SUPT3H: variants seen among roughly 807,000 people sequenced by gnomAD.
SUPT3H encodes the protein SPT3 homolog, SAGA and STAGA complex component.
In SUPT3H, 44 loss-of-function variants were observed where a neutral mutation model predicts 44.3. The ratio of observed to expected loss-of-function variants is 0.99; its 90% CI spans 0.78 to 1.28. The LOEUF is 1.28. SUPT3H is among the 50% of genes most tolerant of loss of function. The pLI, the probability that SUPT3H is intolerant of heterozygous loss-of-function variation, is 0.00. For missense variants in SUPT3H, 380 were observed against 387.1 expected, an observed-to-expected ratio of 0.98 and a Z score of 0.15; for synonymous variants, 124 against 125.6, an observed-to-expected ratio of 0.99 and a Z score of 0.09.
At chr6:45,198,515 CA>C (rs1422373604) in intron 2 of SUPT3H, among the ~76,000 whole-genome samples, 1 of 151,224 alleles carries the variant, frequency 6.6e-6, no homozygotes, top group Non-Finnish European at 1.5e-5. Context: ...AGAAAAGAAT[CA>C]GTCCCAATAC....
intron 2 of SUPT3H, among the ~76,000 whole-genome samples, chr6:45,222,995 TAGAA>T (rs542252778): frequency 1.3e-5 from 2 of 151,872 alleles, no homozygotes; most frequent in South Asian, 2.1e-4. Context: ...GTCAAAACAA[TAGAA>T]AGAAAGAACA....
rs185587776 is a variant in SUPT3H at position 45,196,351 on chromosome 6, G to A, written c.102-90345C>T. Among the ~76,000 whole-genome samples, 18 of 152,000 alleles carry A rather than the reference G, an allele frequency of 1.2e-4. No homozygotes were observed. In the East Asian group the frequency reaches 3.3e-3, roughly 28 times the overall value. On this transcript the variant is annotated intron_variant, in intron 2 of 10. Transcript: ENST00000371459. ...CTGCAAACATAAATAGCAAATGCAC[G>A]CTTCAGCACTTTTTAAAGGATATGG...
chr6:45,006,360 T>G (rs866477988), intron 5 of SUPT3H, among the ~76,000 whole-genome samples: 2 of 152,054 alleles, frequency 1.3e-5, no homozygotes, highest in African/African-American at 4.8e-5. Context: ...CATATTCTTG[T>G]TTTTTCCTTT....
intron 2 of SUPT3H, among the ~76,000 whole-genome samples, chr6:45,212,328 T>C (rs555330064): frequency 7.2e-5 from 11 of 152,206 alleles, no homozygotes; most frequent in Non-Finnish European, 1.3e-4. Flanking sequence ...TTTACTTCTT[T>C]TCATTCTTCT....
At chr6:44,890,767 TAATAAA>T (rs1763166696) in intron 10 of SUPT3H, among the ~76,000 whole-genome samples, 3 of 143,484 alleles carry the variant, frequency 2.1e-5, no homozygotes, top group South Asian at 2.3e-4. Flanking sequence ...ATAATAATAA[TAATAAA>T]AAAAAAAGAA....
At chr6:44,830,222 G>C (rs547483095) in intron 10 of SUPT3H, among the ~76,000 whole-genome samples, 4 of 151,746 alleles carry the variant, frequency 2.6e-5, no homozygotes, top group Non-Finnish European at 2.9e-5. Context: ...AACTAACTAA[G>C]TATCTTAATA....
At chr6:45,117,418 A>G (rs1801004148) in intron 2 of SUPT3H, among the ~76,000 whole-genome samples, 1 of 152,136 alleles carries the variant, frequency 6.6e-6, no homozygotes, top group African/African-American at 2.4e-5. Context: ...TTTTATACTG[A>G]TATCAATTGT....
intron 2 of SUPT3H, among the ~76,000 whole-genome samples, chr6:45,349,124 G>A (rs990822864): frequency 6.6e-6 from 1 of 152,104 alleles, no homozygotes; most frequent in Non-Finnish European, 1.5e-5. Context: ...TACAAATGGG[G>A]TATTTAAATT....
intron 11 of SUPT3H, among the ~76,000 whole-genome samples, chr6:44,819,080 C>G (rs941060949): frequency 1.3e-5 from 2 of 152,094 alleles, no homozygotes; most frequent in Non-Finnish European, 2.9e-5. Context: ...AATGTCCACT[C>G]AATAGCGAAT....
intron 2 of SUPT3H, among the ~76,000 whole-genome samples, chr6:45,186,459 C>A (rs914738171): frequency 3.9e-5 from 6 of 151,992 alleles, no homozygotes; most frequent in Non-Finnish European, 7.4e-5. Context: ...AAAAAAATAA[C>A]CAAATAGAAA....
intron 2 of SUPT3H, among the ~76,000 whole-genome samples, chr6:45,128,046 C>T (rs1427977630): frequency 3.3e-5 from 5 of 152,000 alleles, no homozygotes; most frequent in East Asian, 1.9e-4. Context: ...TCTTTATTAC[C>T]GATAATGCTT....
intron 2 of SUPT3H, among the ~76,000 whole-genome samples, chr6:45,359,586 T>C (rs565800819): frequency 2.0e-5 from 3 of 152,198 alleles, no homozygotes; most frequent in Non-Finnish European, 2.9e-5. Flanking sequence ...TATGGCCACA[T>C]TTGTATCCAA....
At chr6:44,864,458 G>A (rs1049616160) in intron 10 of SUPT3H, among the ~76,000 whole-genome samples, 1 of 152,176 alleles carries the variant, frequency 6.6e-6, no homozygotes, top group African/African-American at 2.4e-5. Context: ...ACTGCCCTAG[G>A]AGAGGTTCTC....
intron 6 of SUPT3H, among the ~76,000 whole-genome samples, chr6:44,999,130 T>C (rs2396372): frequency 0.34 from 51,436 of 151,904 alleles, 9,549 homozygotes; most frequent in Non-Finnish European, 0.41. Context: ...TAATATGCCC[T>C]ATAAATTTTT....
At chr6:45,228,435 C>G (rs1045610371) in intron 2 of SUPT3H, among the ~76,000 whole-genome samples, 1 of 152,018 alleles carries the variant, frequency 6.6e-6, no homozygotes, top group Admixed American at 6.6e-5. Context: ...CTCTTCTTGC[C>G]TATTGTCTTA....
At chr6:44,947,672 A>G (rs1016790590) in intron 9 of SUPT3H, among the ~76,000 whole-genome samples, 2 of 152,210 alleles carry the variant, frequency 1.3e-5, no homozygotes, top group African/African-American at 2.4e-5. Context: ...GAAGACTTAC[A>G]TTATAATCAA....
intron 7 of SUPT3H, among the ~76,000 whole-genome samples, chr6:44,956,490 A>T (rs1324103201): frequency 6.5e-4 from 4 of 6,194 alleles, no homozygotes; most frequent in Non-Finnish European, 1.5e-3. Context: ...AAAATAAAAA[A>T]AAAAAATAAA....
At chr6:45,184,903 G>A (rs529990539) in intron 2 of SUPT3H, among the ~76,000 whole-genome samples, 95 of 151,960 alleles carry the variant, frequency 6.3e-4, no homozygotes, top group African/African-American at 2.1e-3. Flanking sequence ...ATCATCAATG[G>A]AAAAACAGCT....
chr6:44,900,194 G>A lies in SUPT3H; in HGVS notation c.912+32459C>T, dbSNP rs527874934. ...GTGGGTGCAGGACAGTGGGTGCAGC[G>A]CACCGAGCGTGAGCTGAAGTAGGGC... On this transcript the variant is annotated intron_variant, in intron 10 of 10. Coordinates refer to ENST00000371459, the MANE Select transcript of SUPT3H (RefSeq NM_003599.4). Among the ~76,000 whole-genome samples, 69 of 152,328 alleles carry A rather than the reference G, an allele frequency of 4.5e-4. No homozygotes were observed. In the South Asian group the frequency reaches 5.0e-3, roughly 11 times the overall value.
Sources: gnomAD v4.1 joint callset for allele counts (sites outside exome capture counted in the v4.1 genomes callset) on GRCh38, gnomAD v4.1.1 for gene constraint, MANE v1.5 for transcripts, NCBI Gene and HGNC (gene_info 2026-07-23, HGNC 2026-07-21) for gene names.